Variants in CNBD1 observed in about 807,000 individuals in gnomAD.
CNBD1 encodes cyclic nucleotide-binding domain-containing protein 1.
A neutral mutation model predicts 54.4 loss-of-function variants in CNBD1; 71 were observed. The observed-to-expected ratio is 1.30, with a 90% CI of 1.08 to 1.59. The LOEUF is 1.59. Among genes scored for constraint, CNBD1 ranks in the 40% most tolerant of loss-of-function variants. CNBD1 has a pLI of 0.00. For missense variants in CNBD1, 659 were observed against 518.0 expected (o/e 1.27, Z -2.64); for synonymous variants, 182 against 170.7 (o/e 1.07, Z -0.51).
intron 4 of CNBD1, among the ~76,000 whole-genome samples, chr8:87,173,428 T>A (rs1813133370): frequency 2.0e-5 from 3 of 152,242 alleles, no homozygotes; most frequent in African/African-American, 7.2e-5. Context: ...CTTTTCTTTC[T>A]GATTGAAGTA....
chr8:87,065,721 T>G (rs576946660), intron 4 of CNBD1, among the ~76,000 whole-genome samples: 1 of 152,042 alleles, frequency 6.6e-6, no homozygotes, highest in Non-Finnish European at 1.5e-5. Flanking sequence ...CTCTAATGCC[T>G]TTATGTAAAT....
intron 2 of CNBD1, among the ~76,000 whole-genome samples, chr8:87,407,967 A>G (rs1298659232): frequency 6.6e-6 from 1 of 151,976 alleles, no homozygotes; most frequent in African/African-American, 2.4e-5. Context: ...AGATATTCTT[A>G]ATTTTAATAC....
chr8:87,005,540 C>T (rs1025501759), intron 4 of CNBD1, among the ~76,000 whole-genome samples: 6 of 151,738 alleles, frequency 4.0e-5, no homozygotes, highest in East Asian at 1.9e-4. Context: ...TTCCATAATT[C>T]GTATCCATGT....
chr8:87,421,562 GA>G (rs1186175070), intron 2 of CNBD1, among the ~76,000 whole-genome samples: 5 of 151,776 alleles, frequency 3.3e-5, no homozygotes, highest in African/African-American at 1.2e-4. Flanking sequence ...TACTGAGAAT[GA>G]TGATTTCCGA....
rs1809709231 is a variant in CNBD1 at position 87,028,656 on chromosome 8, G to A, written c.431+88902G>A. Reference sequence around the variant, plus strand: ...GTAAGAAAACAGGAACTAAGGAGGGGTAAGAAAGCAATTATGATAAATGCA... The same window carrying A: ...GTAAGAAAACAGGAACTAAGGAGGGATAAGAAAGCAATTATGATAAATGCA... On this transcript the variant is annotated intron_variant, in intron 4 of 10. Coordinates refer to ENST00000518476, the MANE Select transcript of CNBD1 (RefSeq NM_173538.3). Among the ~76,000 whole-genome samples the A allele has an allele frequency of 2.6e-5, 4 of 152,184 alleles. No homozygotes were observed. In the South Asian group the frequency reaches 8.3e-4, roughly 32 times the overall value.
At chr8:87,402,489 G>C (rs895767523) in intron 2 of CNBD1, among the ~76,000 whole-genome samples, 1 of 152,050 alleles carries the variant, frequency 6.6e-6, no homozygotes, top group Non-Finnish European at 1.5e-5. Context: ...ATTTGGGCTT[G>C]GTGTTTTTGA....
At chr8:86,930,888 C>T (rs938098590) in intron 3 of CNBD1, among the ~76,000 whole-genome samples, 10 of 152,066 alleles carry the variant, frequency 6.6e-5, no homozygotes, top group Admixed American at 3.9e-4. Flanking sequence ...TAAGGAAAAG[C>T]GGTGGGGTCT....
intron 1 of CNBD1, among the ~76,000 whole-genome samples, chr8:86,882,721 A>G (rs993296528): frequency 2.0e-5 from 3 of 152,172 alleles, no homozygotes; most frequent in Admixed American, 2.0e-4. Context: ...ACATGCACAT[A>G]TATGTTCACT....
chr8:87,263,796 G>T (rs183982389), intron 6 of CNBD1, among the ~76,000 whole-genome samples: 1 of 151,774 alleles, frequency 6.6e-6, no homozygotes, highest in Non-Finnish European at 1.5e-5. Flanking sequence ...AATTTCCAAG[G>T]CCAAAGAAAA....
At chr8:87,115,938 C>T (rs1054785970) in intron 4 of CNBD1, among the ~76,000 whole-genome samples, 4 of 152,108 alleles carry the variant, frequency 2.6e-5, no homozygotes, top group Admixed American at 2.6e-4. Context: ...ATTACAAATA[C>T]CTTCAATGCC....
intron 10 of CNBD1, among the ~76,000 whole-genome samples, chr8:87,361,714 G>T (rs1810527737): frequency 7.9e-6 from 1 of 125,932 alleles, no homozygotes; most frequent in Non-Finnish European, 1.7e-5. Context: ...ATATATTCTT[G>T]TTCACTACAT....
intron 4 of CNBD1, among the ~76,000 whole-genome samples, chr8:87,087,739 T>C (rs1358110766): frequency 6.6e-6 from 1 of 152,124 alleles, no homozygotes; most frequent in East Asian, 1.9e-4. Context: ...GTGCTGGGAT[T>C]ACAGGCGTGA....
chr8:87,026,305 TC>T (rs139793302), intron 4 of CNBD1, among the ~76,000 whole-genome samples: 4,588 of 152,014 alleles, frequency 0.03, 237 homozygotes, highest in African/African-American at 0.1. Flanking sequence ...TCTCCCCTTT[TC>T]CTCCCTGCTC....
chr8:87,093,261 C>T (rs934588698), intron 4 of CNBD1, among the ~76,000 whole-genome samples: 4 of 152,048 alleles, frequency 2.6e-5, no homozygotes, highest in East Asian at 1.9e-4. Context: ...CACCTTTGTG[C>T]GGCAACGGAC....
intron 2 of CNBD1, among the ~76,000 whole-genome samples, chr8:87,416,714 A>G (rs947008537): frequency 2.6e-5 from 4 of 152,008 alleles, no homozygotes; most frequent in African/African-American, 7.2e-5. Context: ...GTAAGAGGCA[A>G]TTGTTTACAC....
Position 87,382,810 on chromosome 8 carries a change from C to T in CNBD1, c.*183C>T. On this transcript the variant is annotated 3_prime_UTR_variant, in exon 11 of 11. Transcript: ENST00000518476. ...TTCAAACACAGTTTTTATTAGCAGT[C>T]TTTCTTGGTTTGGATACTAAAATAA... The T allele has an allele frequency of 2.2e-6, 1 of 451,138 alleles. No homozygotes were observed. Among genetic ancestry groups the T allele is most frequent in the Non-Finnish European group, 4.0e-6 (1 of 251,694 alleles). 27.9% of individuals were successfully genotyped at this position (451,138 alleles called of 1,614,324 possible).
At chr8:87,390,939 T>C (rs1018612042) in intron 2 of CNBD1, among the ~76,000 whole-genome samples, 2 of 152,072 alleles carry the variant, frequency 1.3e-5, no homozygotes, top group African/African-American at 4.8e-5. Flanking sequence ...ATATCCTTTG[T>C]AGGGAGATGG....
chr8:87,369,239 A>G (rs1370586837), intron 10 of CNBD1, among the ~76,000 whole-genome samples: 2 of 152,140 alleles, frequency 1.3e-5, no homozygotes, highest in South Asian at 2.1e-4. Flanking sequence ...TTACATTGAT[A>G]TAGCTAAGAA....
At chr8:86,880,881 C>T (rs954188395) in intron 1 of CNBD1, among the ~76,000 whole-genome samples, 1 of 152,128 alleles carries the variant, frequency 6.6e-6, no homozygotes, top group South Asian at 2.1e-4. Context: ...ATATGCAAAT[C>T]AAGAAATATG....
Sources: gnomAD v4.1 joint callset for allele counts (sites outside exome capture counted in the v4.1 genomes callset) on GRCh38, gnomAD v4.1.1 for gene constraint, MANE v1.5 for transcripts, NCBI Gene and HGNC (gene_info 2026-07-23, HGNC 2026-07-21) for gene names.